The following ASTN2 variants were observed in gnomAD, a reference collection of about 807,000 sequenced individuals.
The protein encoded by ASTN2 is astrotactin-2.
Under a neutral mutation model 139.8 loss-of-function variants are expected in ASTN2, and 54 were observed. The ratio of observed to expected loss-of-function variants is 0.39; its 90% CI spans 0.31 to 0.48. ASTN2 has a LOEUF of 0.48. ASTN2 is among the 20% of genes least tolerant of loss of function. ASTN2 has a pLI of 0.95. For synonymous variants in ASTN2, 756 were observed against 719.5 expected (o/e 1.05, Z -0.81); for missense variants, 1,565 against 1,725.1 (o/e 0.91, Z 1.64).
intron 7 of ASTN2, among the ~76,000 whole-genome samples, chr9:117,005,000 C>A (rs978951427): frequency 2.0e-5 from 3 of 150,632 alleles, no homozygotes; most frequent in African/African-American, 7.3e-5. Flanking sequence ...GTTTAAATGT[C>A]ATCTAGATGC....
chr9:116,506,768 A>G (rs1209404083), intron 19 of ASTN2, among the ~76,000 whole-genome samples: 2 of 152,190 alleles, frequency 1.3e-5, no homozygotes, highest in Non-Finnish European at 2.9e-5. Context: ...CACCGCCCAG[A>G]GGTTTCCATT....
chr9:116,581,734 T>G (rs1418687651), intron 19 of ASTN2, among the ~76,000 whole-genome samples: 1 of 152,226 alleles, frequency 6.6e-6, no homozygotes, highest in African/African-American at 2.4e-5. Context: ...TGTGATCATT[T>G]TTCTTCATTC....
intron 4 of ASTN2, among the ~76,000 whole-genome samples, chr9:117,124,387 A>G (rs913496632): frequency 1.3e-5 from 2 of 152,212 alleles, no homozygotes; most frequent in African/African-American, 4.8e-5. Flanking sequence ...TTGCCATAAC[A>G]GGAAAAAAGA....
intron 19 of ASTN2, among the ~76,000 whole-genome samples, chr9:116,520,009 A>G (rs1056916868): frequency 2.0e-5 from 3 of 152,122 alleles, no homozygotes; most frequent in Admixed American, 6.5e-5. Context: ...TTGAAATAAT[A>G]ATTTAAAAAC....
intron 1 of ASTN2, among the ~76,000 whole-genome samples, chr9:117,297,690 G>A (rs977480390): frequency 6.6e-6 from 1 of 152,334 alleles, no homozygotes; most frequent in South Asian, 2.1e-4. Flanking sequence ...GGATGGTGGG[G>A]ATGGGGGATT....
intron 2 of ASTN2, among the ~76,000 whole-genome samples, chr9:117,229,024 A>ACAAAG (rs1426450015): frequency 6.6e-6 from 1 of 151,500 alleles, no homozygotes; most frequent in South Asian, 2.1e-4. Flanking sequence ...ACAAAACAAA[A>ACAAAG]CAAACAAAAA....
intron 11 of ASTN2, among the ~76,000 whole-genome samples, chr9:116,848,223 T>C (rs545015880): frequency 1.9e-4 from 29 of 152,336 alleles, no homozygotes; most frequent in South Asian, 4.1e-4. Flanking sequence ...GAAGATGACT[T>C]GCTTCAGGTC....
intron 10 of ASTN2, among the ~76,000 whole-genome samples, chr9:116,943,371 A>T (rs925126810): frequency 1.5e-4 from 23 of 152,084 alleles, no homozygotes; most frequent in African/African-American, 5.6e-4. Context: ...TTCTTCCCTA[A>T]CCTGTAAGAC....
At chr9:116,632,185 G>GA (rs1564168833) in intron 17 of ASTN2, among the ~76,000 whole-genome samples, 19 of 48,682 alleles carry the variant, frequency 3.9e-4, no homozygotes, top group Admixed American at 1.4e-3. Flanking sequence ...AGAGAGAGAG[G>GA]GAGAGAGAGA....
chr9:117,375,552 G>C (rs1830100093), intron 1 of ASTN2, among the ~76,000 whole-genome samples: 1 of 152,172 alleles, frequency 6.6e-6, no homozygotes, highest in Non-Finnish European at 1.5e-5. Flanking sequence ...AATCCTATTA[G>C]AGTCATCATT....
chr9:116,427,048 G>A (rs1339081359), intron 22 of ASTN2, among the ~76,000 whole-genome samples: 1 of 152,134 alleles, frequency 6.6e-6, no homozygotes, highest in Non-Finnish European at 1.5e-5. Context: ...AGGGGAGCTG[G>A]GAGAGATCTG....
intron 10 of ASTN2, among the ~76,000 whole-genome samples, chr9:116,911,488 G>C (rs1158644661): frequency 6.6e-6 from 1 of 152,180 alleles, no homozygotes; most frequent in Non-Finnish European, 1.5e-5. Context: ...ACAGAAAGAG[G>C]ATATTAGTGG....
intron 16 of ASTN2, among the ~76,000 whole-genome samples, chr9:116,712,879 C>T (rs530374344): frequency 4.6e-5 from 7 of 152,196 alleles, no homozygotes; most frequent in Non-Finnish European, 7.4e-5. Flanking sequence ...TGAGTTTCCA[C>T]GTTAGGAAAT....
intron 7 of ASTN2, among the ~76,000 whole-genome samples, chr9:116,994,991 C>T (rs1273821298): frequency 6.6e-6 from 1 of 152,152 alleles, no homozygotes; most frequent in Non-Finnish European, 1.5e-5. Flanking sequence ...ACTATTTTAC[C>T]TCTGAGAAAA....
intron 10 of ASTN2, among the ~76,000 whole-genome samples, chr9:116,894,733 C>T (rs755337349): frequency 3.9e-5 from 6 of 152,224 alleles, no homozygotes; most frequent in Non-Finnish European, 4.4e-5. Flanking sequence ...CGAGAGCCAC[C>T]GATGCCCAGC....
At chr9:117,314,185 T>C (rs968538545) in intron 1 of ASTN2, among the ~76,000 whole-genome samples, 3 of 152,302 alleles carry the variant, frequency 2.0e-5, no homozygotes, top group African/African-American at 7.2e-5. Flanking sequence ...TAACAATGCA[T>C]CCGTTTCACT....
chr9:116,648,782 C>T (rs571163659), intron 17 of ASTN2, among the ~76,000 whole-genome samples: 6 of 152,282 alleles, frequency 3.9e-5, no homozygotes, highest in Non-Finnish European at 8.8e-5. Context: ...ACCTGTAATT[C>T]CAGCACTTTG....
At chr9:117,028,662 G>A (rs930358947) in intron 6 of ASTN2, among the ~76,000 whole-genome samples, 4 of 152,130 alleles carry the variant, frequency 2.6e-5, no homozygotes, top group African/African-American at 4.8e-5. Context: ...CTTCTAAGCT[G>A]TCTTCAAATG....
At chr9:117,218,084 C>T (rs558783487) in intron 2 of ASTN2, among the ~76,000 whole-genome samples, 1 of 152,384 alleles carries the variant, frequency 6.6e-6, no homozygotes, top group South Asian at 2.1e-4. Flanking sequence ...CAAAAGCCTA[C>T]TTAGCCCCTG....
Sources: allele counts gnomAD v4.1 joint callset (sites outside exome capture counted in the v4.1 genomes callset), GRCh38; gene constraint gnomAD v4.1.1; transcripts MANE v1.5; gene names NCBI Gene and HGNC (gene_info 2026-07-23, HGNC 2026-07-21).